HECW1: variants seen among roughly 807,000 people sequenced by gnomAD.
HECW1 encodes the protein HECT, C2 and WW domain containing E3 ubiquitin protein ligase 1.
Under a neutral mutation model 182.3 loss-of-function variants are expected in HECW1, and 61 were observed. The observed-to-expected ratio is 0.33, with a 90% CI of 0.27 to 0.41. The LOEUF is 0.41. Ranked by LOEUF, HECW1 falls within the 10% of genes least tolerant of loss-of-function variation. HECW1 has a pLI of 1.00. For synonymous variants in HECW1, 859 were observed against 832.6 expected, an observed-to-expected ratio of 1.03 and a Z score of -0.55; for missense variants, 1,739 against 2,108.9, an observed-to-expected ratio of 0.82 and a Z score of 3.44.
intron 26 of HECW1, 142 bp from the exon 27 acceptor site, chr7:43,550,303 G>A (rs2081754209): frequency 1.1e-6 from 1 of 888,004 alleles, no homozygotes; most frequent in Admixed American, 2.5e-5. Context: ...CTTTAGCAAG[G>A]AAAAAAGACT....
intron 2 of HECW1, among the ~76,000 whole-genome samples, chr7:43,210,733 G>A (rs1363275222): frequency 1.2e-4 from 18 of 152,128 alleles, no homozygotes; most frequent in Admixed American, 1.2e-3. Context: ...AGGAACAATG[G>A]CAAGCCTTTA....
intron 16 of HECW1, among the ~76,000 whole-genome samples, chr7:43,474,306 G>A (rs1270693308): frequency 2.0e-5 from 3 of 152,026 alleles, no homozygotes; most frequent in Non-Finnish European, 2.9e-5. Context: ...AAAATTAGCT[G>A]GGCATGGTGG....
intron 2 of HECW1, among the ~76,000 whole-genome samples, chr7:43,145,487 G>A (rs889545367): frequency 6.6e-6 from 1 of 152,118 alleles, no homozygotes; most frequent in Admixed American, 6.6e-5. Context: ...TGTAGAGACA[G>A]GGTTTTGCTA....
chr7:43,133,133 A>G (rs756393501), intron 2 of HECW1, among the ~76,000 whole-genome samples: 1 of 152,104 alleles, frequency 6.6e-6, no homozygotes, highest in Non-Finnish European at 1.5e-5. Flanking sequence ...GAATTAAACT[A>G]TCTTTACAGC....
intron 3 of HECW1, among the ~76,000 whole-genome samples, chr7:43,284,115 G>A (rs754774651): frequency 1.3e-5 from 2 of 152,128 alleles, no homozygotes; most frequent in Admixed American, 6.5e-5. Flanking sequence ...ACCGTGGGGC[G>A]GGGACCCTTC....
chr7:43,550,523 ATGG>A lies in HECW1; in HGVS notation c.4330_4332del (p.Val1444del). On this transcript the variant is annotated inframe_deletion, in exon 27 of 30. Coordinates refer to ENST00000395891, the MANE Select transcript of HECW1 (RefSeq NM_015052.5). ...AAACAAGAAGGAGTACATCGAGCGC[ATGG>A]TGAAGTGGCGGGTGGAGCGCGGCGT... The A allele has an allele frequency of 6.2e-7, 1 of 1,613,952 alleles. No homozygotes were observed. Among genetic ancestry groups the A allele is most frequent in the Non-Finnish European group, 8.5e-7 (1 of 1,179,952 alleles).
chr7:43,292,823 A>C (rs1805564774), intron 3 of HECW1, among the ~76,000 whole-genome samples: 1 of 152,222 alleles, frequency 6.6e-6, no homozygotes, highest in Admixed American at 6.5e-5. Context: ...ATATGTCACT[A>C]GTAGAGGGTT....
chr7:43,177,450 T>C (rs1583832459), intron 2 of HECW1, among the ~76,000 whole-genome samples: 1 of 152,322 alleles, frequency 6.6e-6, no homozygotes, highest in South Asian at 2.1e-4. Flanking sequence ...ACTGAGTTTG[T>C]CCCTCATCAA....
At chr7:43,293,737 A>C (rs1805693409) in intron 3 of HECW1, among the ~76,000 whole-genome samples, 1 of 152,158 alleles carries the variant, frequency 6.6e-6, no homozygotes. Flanking sequence ...CTTTAATTTT[A>C]GTGCATTATA....
chr7:43,296,405 T>A (rs1369200626), intron 3 of HECW1, among the ~76,000 whole-genome samples: 1 of 152,196 alleles, frequency 6.6e-6, no homozygotes, highest in Non-Finnish European at 1.5e-5. Flanking sequence ...TCAGCTTTTC[T>A]TGTTGCCCAG....
rs73690271 is a variant in HECW1 at position 43,222,258 on chromosome 7, G to T, written c.-31-21617G>T. Among the ~76,000 whole-genome samples, 800 of 151,874 alleles carry T rather than the reference G, an allele frequency of 5.3e-3. 7 individuals are homozygous for T. Among genetic ancestry groups the T allele is most frequent in the African/African-American group, 0.019 (777 of 41,398 alleles). ...GCCTGGATCCATTCAGAGAACCTGGGTTTTTTTTGCTCTGAAAATAAGAAG... is the reference window on the plus strand; with the variant it reads ...GCCTGGATCCATTCAGAGAACCTGGTTTTTTTTTGCTCTGAAAATAAGAAG... On this transcript the variant is annotated intron_variant, in intron 2 of 29. Transcript: ENST00000395891.
intron 5 of HECW1, among the ~76,000 whole-genome samples, chr7:43,325,775 A>G (rs1810681955): frequency 6.6e-6 from 1 of 152,128 alleles, no homozygotes; most frequent in Non-Finnish European, 1.5e-5. Context: ...CTCCCGGGTC[A>G]GTCTTAGGCT....
intron 7 of HECW1, among the ~76,000 whole-genome samples, chr7:43,404,527 C>T (rs1183287242): frequency 6.6e-6 from 1 of 152,188 alleles, no homozygotes; most frequent in African/African-American, 2.4e-5. Flanking sequence ...AATTTAGCAG[C>T]TATCAAACAT....
chr7:43,414,850 C>T (rs1043044998), intron 8 of HECW1, among the ~76,000 whole-genome samples: 7 of 152,076 alleles, frequency 4.6e-5, no homozygotes, highest in East Asian at 1.9e-4. Context: ...CTGCTGGATT[C>T]GGTTTACCAG....
At chr7:43,282,496 A>G (rs1224250251) in intron 3 of HECW1, among the ~76,000 whole-genome samples, 4 of 152,356 alleles carry the variant, frequency 2.6e-5, no homozygotes, top group Non-Finnish European at 5.9e-5. Flanking sequence ...ATCCCACTAC[A>G]TGCCAGGCCC....
intron 5 of HECW1, among the ~76,000 whole-genome samples, chr7:43,346,361 G>T (rs574313793): frequency 4.0e-5 from 6 of 151,792 alleles, no homozygotes; most frequent in African/African-American, 1.4e-4. Context: ...TTTTCTTACT[G>T]ATTTGAGTTT....
intron 2 of HECW1, among the ~76,000 whole-genome samples, chr7:43,160,223 A>G (rs1039357803): frequency 3.3e-5 from 5 of 152,206 alleles, no homozygotes; most frequent in African/African-American, 1.2e-4. Flanking sequence ...TATCCTTTAT[A>G]TGTAAAGAAT....
rs113630900 is a variant in HECW1 at position 43,283,892 on chromosome 7, G to A, written c.28-27871G>A. Among the ~76,000 whole-genome samples the A allele has an allele frequency of 3.4e-3, 511 of 152,300 alleles. 2 individuals carry two copies. The highest frequency in any genetic ancestry group is 6.1e-3 in the Non-Finnish European group (417 of 68,026). ...TTAAATTGTCATTTCTCCTACCTGA[G>A]CGTGTCATTTCTGAAATCTTCCCCC... is the stretch of plus-strand genomic sequence containing the variant. On this transcript the variant is annotated intron_variant, in intron 3 of 29. Coordinates refer to ENST00000395891, the MANE Select transcript of HECW1 (RefSeq NM_015052.5).
intron 4 of HECW1, among the ~76,000 whole-genome samples, chr7:43,318,450 AC>A (rs1809619735): frequency 6.6e-6 from 1 of 152,246 alleles, no homozygotes; most frequent in African/African-American, 2.4e-5. Context: ...TCCAAAGGAT[AC>A]AAACAGTTCT....
Sources: gnomAD v4.1 joint callset for allele counts (sites outside exome capture counted in the v4.1 genomes callset) on GRCh38, gnomAD v4.1.1 for gene constraint, MANE v1.5 for transcripts, NCBI Gene and HGNC (gene_info 2026-07-23, HGNC 2026-07-21) for gene names.